Variants in ARGLU1 observed in about 807,000 individuals in gnomAD.
ARGLU1 encodes the protein arginine and glutamate-rich protein 1.
ARGLU1 carries 9 observed loss-of-function variants against 37.6 expected under a neutral mutation model. The observed-to-expected ratio is 0.24, with a 90% CI of 0.14 to 0.42. The LOEUF (loss-of-function observed/expected upper bound fraction) is 0.42, where lower values mean the gene tolerates loss of function less well. ARGLU1 is among the 10% of genes least tolerant of loss of function. ARGLU1 has a pLI of 1.00. For synonymous variants in ARGLU1, 166 were observed against 138.5 expected (o/e 1.20, Z -1.39); for missense variants, 211 against 359.2 (o/e 0.59, Z 3.34).
At chr13:106,556,801 G>T (rs1880671620) in intron 3 of ARGLU1, among the ~76,000 whole-genome samples, 1 of 152,124 alleles carries the variant, frequency 6.6e-6, no homozygotes, top group African/African-American at 2.4e-5. Context: ...AAAAACTGGG[G>T]ATAGAGAACA....
intron 3 of ARGLU1, among the ~76,000 whole-genome samples, chr13:106,555,855 C>CT (rs1880649697): frequency 6.6e-6 from 1 of 152,154 alleles, no homozygotes; most frequent in Admixed American, 6.5e-5. Context: ...TATCCAATCT[C>CT]TTTAACATGT....
chr13:106,561,357 A>C (rs1197596139), intron 1 of ARGLU1, among the ~76,000 whole-genome samples: 1 of 152,078 alleles, frequency 6.6e-6, no homozygotes, highest in African/African-American at 2.4e-5. Flanking sequence ...GAATCTGGAT[A>C]ATGAGTACCC....
Position 106,544,057 on chromosome 13 carries a change from AT to A in ARGLU1, c.760del (p.Ile254LeufsTer16). 6.2e-7 allele frequency: 1 copy of A among 1,606,170 alleles called. No homozygotes were observed. Among genetic ancestry groups the A allele is most frequent in the Non-Finnish European group, 8.5e-7 (1 of 1,177,154 alleles). ...RQRQQKEEQK[I>X]ILGKGKSRPK... Reference sequence around the variant, plus strand: ...CCTGGACTTCCCCTTGCCCAGGATAATTTTTTGTTCTTCTTTTTGTTGACGT... The same window carrying A: ...CCTGGACTTCCCCTTGCCCAGGATAATTTTTGTTCTTCTTTTTGTTGACGT... On this transcript the variant is annotated frameshift_variant, in exon 4 of 4. Transcript: ENST00000400198. LOFTEE classifies it high-confidence loss of function.
At chr13:106,561,424 TACAC>T (rs59373729) in intron 1 of ARGLU1, among the ~76,000 whole-genome samples, 62,502 of 147,724 alleles carry the variant, frequency 0.42, 13,734 homozygotes, top group East Asian at 0.59. Context: ...TAATAAAGTG[TACAC>T]ACACACACAC....
intron 1 of ARGLU1, among the ~76,000 whole-genome samples, chr13:106,563,554 A>G (rs1384833249): frequency 6.6e-6 from 1 of 152,228 alleles, no homozygotes; most frequent in African/African-American, 2.4e-5. Context: ...TTGTAATCCC[A>G]GCACTTTGGG....
intron 1 of ARGLU1, among the ~76,000 whole-genome samples, chr13:106,562,128 G>C (rs185494067): frequency 1.9e-4 from 29 of 152,280 alleles, no homozygotes; most frequent in Non-Finnish European, 3.1e-4. Flanking sequence ...ATGAAGCTTT[G>C]CAACAGGCAG....
At position 106,561,625 on chromosome 13, in the gene ARGLU1, T is replaced by C. The variant is rs1380225954; in HGVS notation, c.348-1968A>G. Among the ~76,000 whole-genome samples, 4 of 152,132 alleles carry C rather than the reference T, an allele frequency of 2.6e-5. No individual in the cohort carries two copies. In the East Asian group the frequency reaches 7.7e-4, roughly 29 times the overall value. ...AAAGGATAATGTAACACAGTTCCAA[T>C]TAAAATTCCACACAAAGTAGAAAGA... On this transcript the variant is annotated intron_variant, in intron 1 of 3. Coordinates refer to ENST00000400198, the MANE Select transcript of ARGLU1 (RefSeq NM_018011.4).
At chr13:106,563,010 A>C (rs12561405) in intron 1 of ARGLU1, among the ~76,000 whole-genome samples, 3,210 of 35,674 alleles carry the variant, frequency 0.09, 56 homozygotes, top group East Asian at 0.34. Flanking sequence ...AAAAAAAAAC[A>C]AAAAAAAAAA....
chr13:106,564,941 C>T (rs1384774150), intron 1 of ARGLU1, among the ~76,000 whole-genome samples: 1 of 152,206 alleles, frequency 6.6e-6, no homozygotes, highest in Non-Finnish European at 1.5e-5. Flanking sequence ...ACACTATAAA[C>T]ATGAGAACCA....
At chr13:106,551,792 C>T (rs192191516) in intron 3 of ARGLU1, among the ~76,000 whole-genome samples, 8 of 152,280 alleles carry the variant, frequency 5.3e-5, no homozygotes, top group East Asian at 1.9e-4. Context: ...CAATCTTCAA[C>T]GCCAACATTT....
intron 3 of ARGLU1, among the ~76,000 whole-genome samples, chr13:106,551,748 T>C (rs1880535661): frequency 1.3e-5 from 2 of 152,204 alleles, no homozygotes; most frequent in Non-Finnish European, 2.9e-5. Flanking sequence ...TTCTGGTGGC[T>C]GCGAGGATTC....
rs1258696955 is a variant in ARGLU1, at chr13:106,541,701, A to G, written c.*2295T>C. The G allele has an allele frequency of 6.6e-6, 1 of 152,190 alleles. No homozygotes were observed. The highest frequency in any genetic ancestry group is 1.5e-5 in the Non-Finnish European group (1 of 68,026). The allele number at this position is 152,190 out of a possible 1,614,324, so 9.4% of individuals were successfully genotyped here. On this transcript the variant is annotated 3_prime_UTR_variant, in exon 4 of 4. Transcript: ENST00000400198. ...TTTAAAGGTTTAGTTTATACAATTG[A>G]TAATTCTGCAAACCACAATATGTCA...
At chr13:106,555,923 C>G (rs1351939611) in intron 3 of ARGLU1, among the ~76,000 whole-genome samples, 1 of 152,128 alleles carries the variant, frequency 6.6e-6, no homozygotes, top group African/African-American at 2.4e-5. Context: ...ATTTAACTGT[C>G]AACCATATTT....
chr13:106,561,995 C>G (rs1217905287), intron 1 of ARGLU1: 1 of 152,126 alleles, frequency 6.6e-6, no homozygotes, highest in Admixed American at 6.5e-5. Context: ...AAAGGGAGGG[C>G]AAGTGGAAAG....
In ARGLU1 at chr13:106,558,286, GAAACCCACTAT is replaced by G. The variant is rs1880707777; in HGVS notation, c.573+1135_573+1145del. On this transcript the variant is annotated intron_variant, in intron 2 of 3. Transcript: ENST00000400198. ...TCATACATTCAATTTTATAGTCTGT[GAAACCCACTAT>G]AAATATAAGCATGTATATCTAGTTA... 3.0e-6 allele frequency: 3 copies of G among 984,150 alleles called. No individual in the cohort carries two copies. The African/African-American group carries it at 5.3e-5, about 17-fold the overall frequency. 61.0% of individuals were successfully genotyped at this position (984,150 alleles called of 1,614,324 possible).
chr13:106,556,998 A>G lies in ARGLU1; in HGVS notation c.657+50T>C, dbSNP rs763411831. The G allele has an allele frequency of 8.6e-6, 13 of 1,504,764 alleles. No homozygotes were observed. In the East Asian group the frequency reaches 2.9e-4, roughly 34 times the overall value. 93.2% of individuals were successfully genotyped at this position (1,504,764 alleles called of 1,614,324 possible). A position where few individuals can be genotyped will look rare whatever the true frequency, so the allele number is the denominator to read the frequency against. Reference sequence around the variant, plus strand: ...AAATCAATCCACAAAATCCGAAAAAAGGAAATAAAGCAAAATACAAAACAC... The same window carrying G: ...AAATCAATCCACAAAATCCGAAAAAGGGAAATAAAGCAAAATACAAAACAC... On this transcript the variant is annotated intron_variant, in intron 3 of 3. Transcript: ENST00000400198.
At chr13:106,559,680 CA>C (rs917352153) in intron 1 of ARGLU1, 23 bp from the exon 2 acceptor site, 3 of 1,595,622 alleles carry the variant, frequency 1.9e-6, no homozygotes, top group African/African-American at 2.7e-5. Flanking sequence ...GTGAAAAAAA[CA>C]AGTTAGGTAT....
intron 3 of ARGLU1, among the ~76,000 whole-genome samples, chr13:106,547,273 T>C (rs1880417101): frequency 6.6e-6 from 1 of 152,186 alleles, no homozygotes; most frequent in South Asian, 2.1e-4. Context: ...TGCTATCATA[T>C]AAAGAGCACT....
At chr13:106,549,687 CT>C (rs1317083001) in intron 3 of ARGLU1, among the ~76,000 whole-genome samples, 7 of 152,190 alleles carry the variant, frequency 4.6e-5, no homozygotes, top group Non-Finnish European at 1.0e-4. Flanking sequence ...TCACCACCTA[CT>C]CCCTTTACCC....
Sources: allele counts gnomAD v4.1 joint callset (sites outside exome capture counted in the v4.1 genomes callset), GRCh38; gene constraint gnomAD v4.1.1; transcripts MANE v1.5; gene names NCBI Gene and HGNC (gene_info 2026-07-23, HGNC 2026-07-21).